SCAI: variants seen among roughly 807,000 people sequenced by gnomAD.
The protein encoded by SCAI is protein SCAI.
SCAI carries 24 observed loss-of-function variants against 92.2 expected under a neutral mutation model. The observed-to-expected ratio is 0.26, with a 90% CI of 0.19 to 0.37. The LOEUF (loss-of-function observed/expected upper bound fraction) is 0.37, where lower values mean the gene tolerates loss of function less well. Ranked by LOEUF, SCAI falls within the 10% of genes least tolerant of loss-of-function variation. SCAI has a pLI of 1.00. For missense variants in SCAI, 450 were observed against 736.2 expected (o/e 0.61, Z 4.50); for synonymous variants, 261 against 258.6 (o/e 1.01, Z -0.09).
chr9:124,960,468 C>A (rs1260770124), intron 17 of SCAI, among the ~76,000 whole-genome samples: 1 of 152,142 alleles, frequency 6.6e-6, no homozygotes, highest in Non-Finnish European at 1.5e-5. Flanking sequence ...TATGCTCAGA[C>A]AATGGAATAC....
intron 10 of SCAI, 46 bp downstream of exon 10, chr9:125,003,423 G>A (rs778769661): frequency 1.3e-5 from 17 of 1,297,350 alleles, no homozygotes; most frequent in Middle Eastern, 1.8e-4. Flanking sequence ...CAGGAGAGAC[G>A]CAGCCAGAGG....
intron 14 of SCAI, among the ~76,000 whole-genome samples, chr9:124,978,363 C>T (rs1831805151): frequency 6.6e-6 from 1 of 152,170 alleles, no homozygotes; most frequent in Non-Finnish European, 1.5e-5. Context: ...GTCACTTGAA[C>T]CCGGGAAGCG....
chr9:125,142,701 G>A (rs1835696619), intron 1 of SCAI, 24 bp from the exon 2 acceptor site: 1 of 1,600,744 alleles, frequency 6.2e-7, no homozygotes, highest in Middle Eastern at 1.7e-4. Context: ...AAATAAGACG[G>A]TAACTAAAAG....
At chr9:125,018,975 T>C (rs1022895300) in intron 8 of SCAI, 24 bp from the exon 9 acceptor site, 1 of 1,609,778 alleles carries the variant, frequency 6.2e-7, no homozygotes, top group Non-Finnish European at 8.5e-7. Context: ...CAATAAGAAC[T>C]TAACGAATGG....
At position 125,098,309 on chromosome 9, in the gene SCAI, G is replaced by A. The variant is rs551997028; in HGVS notation, c.99-42302C>T. ...TGGCCTCAAGCAATCCTCCTGCCTC[G>A]GCTTCCCAAAGTGCTGGGATTACAG... is the stretch of plus-strand genomic sequence containing the variant. On this transcript the variant is annotated intron_variant, in intron 2 of 17. Transcript: ENST00000336505. Among the ~76,000 whole-genome samples, 14 of 151,908 alleles carry A rather than the reference G, an allele frequency of 9.2e-5. No individual in the cohort carries two copies. The East Asian group carries it at 2.3e-3, about 25-fold the overall frequency.
At chr9:125,083,601 C>A (rs1157477409) in intron 2 of SCAI, among the ~76,000 whole-genome samples, 1 of 151,454 alleles carries the variant, frequency 6.6e-6, no homozygotes, top group African/African-American at 2.4e-5. Flanking sequence ...CCACATGGAA[C>A]TGTAAGTCCA....
At chr9:124,966,696 C>A (rs955179669) in intron 17 of SCAI, among the ~76,000 whole-genome samples, 2 of 151,846 alleles carry the variant, frequency 1.3e-5, no homozygotes, top group Non-Finnish European at 2.9e-5. Flanking sequence ...CACTTAAACA[C>A]TTCCATCAGA....
At chr9:125,137,492 T>C (rs1835565178) in intron 2 of SCAI, among the ~76,000 whole-genome samples, 1 of 152,214 alleles carries the variant, frequency 6.6e-6, no homozygotes, top group Admixed American at 6.5e-5. Flanking sequence ...TCTTTACCTC[T>C]GAATCAAGCC....
chr9:125,108,334 T>C, intron 2 of SCAI, among the ~76,000 whole-genome samples: 1 of 148,776 alleles, frequency 6.7e-6, no homozygotes, highest in Non-Finnish European at 1.5e-5. Flanking sequence ...AGCTGCCCAG[T>C]CTGGGAAGTG....
rs1831667724 is a variant in SCAI, at chr9:124,971,906, T to C, written c.1400-62A>G. On this transcript the variant is annotated intron_variant, in intron 15 of 17. Coordinates refer to ENST00000336505, the MANE Select transcript of SCAI (RefSeq NM_001144877.3). Reference sequence around the variant, plus strand: ...TTTTGCAAAAGATAAGAGATACATATGAGGAACATTTTAATATACTGATAA... The same window carrying C: ...TTTTGCAAAAGATAAGAGATACATACGAGGAACATTTTAATATACTGATAA... 3.2e-6 allele frequency: 3 copies of C among 937,982 alleles called. No homozygotes were observed. In the Admixed American group the frequency reaches 9.1e-5, roughly 28 times the overall value. The allele number at this position is 937,982 out of a possible 1,614,324, so 58.1% of individuals were successfully genotyped here.
At chr9:125,027,011 T>A (rs1398232157) in intron 5 of SCAI, 101 bp from the exon 6 acceptor site, 6 of 530,324 alleles carry the variant, frequency 1.1e-5, no homozygotes, top group Non-Finnish European at 1.9e-5. Context: ...TGGCACGGGG[T>A]GCGGGGGTGG....
chr9:125,107,878 C>T (rs1564416189), intron 2 of SCAI, among the ~76,000 whole-genome samples: 1 of 152,192 alleles, frequency 6.6e-6, no homozygotes, highest in African/African-American at 2.4e-5. Context: ...CCCTCTGATG[C>T]CGAGCGGAAG....
chr9:125,068,592 G>A (rs1833916453), intron 2 of SCAI, among the ~76,000 whole-genome samples: 1 of 152,124 alleles, frequency 6.6e-6, no homozygotes, highest in Admixed American at 6.5e-5. Context: ...GGAGTCCAAG[G>A]CAGACAGACT....
At chr9:125,015,643 C>T (rs1443853551) in intron 9 of SCAI, among the ~76,000 whole-genome samples, 1 of 152,090 alleles carries the variant, frequency 6.6e-6, no homozygotes, top group Non-Finnish European at 1.5e-5. Flanking sequence ...GGATCTAGAA[C>T]TAGAAATACC....
At chr9:125,122,169 T>G (rs10986572) in intron 2 of SCAI, among the ~76,000 whole-genome samples, 1 of 152,362 alleles carries the variant, frequency 6.6e-6, no homozygotes, top group East Asian at 1.9e-4. Flanking sequence ...AGGAATGTGA[T>G]TACACTAGGA....
At chr9:125,051,179 C>T (rs564899196) in intron 3 of SCAI, among the ~76,000 whole-genome samples, 92 of 152,126 alleles carry the variant, frequency 6.0e-4, no homozygotes, top group Non-Finnish European at 1.2e-3. Flanking sequence ...TGTGCCACCA[C>T]GCCTGGCTAA....
intron 3 of SCAI, among the ~76,000 whole-genome samples, chr9:125,032,188 TATA>T (rs1237603280): frequency 0.012 from 1,296 of 111,990 alleles, 33 homozygotes; most frequent in African/African-American, 0.052. Context: ...TATATATATA[TATA>T]TATATTTTTT....
chr9:124,956,580 T>G (rs1307366855), intron 17 of SCAI, among the ~76,000 whole-genome samples: 2 of 152,182 alleles, frequency 1.3e-5, no homozygotes, highest in Admixed American at 1.3e-4. Context: ...ATTAGATCAG[T>G]AGATGCAGAA....
intron 2 of SCAI, among the ~76,000 whole-genome samples, chr9:125,079,043 T>C (rs1002545862): frequency 3.3e-5 from 5 of 150,626 alleles, no homozygotes; most frequent in Non-Finnish European, 7.4e-5. Context: ...ATTTTGATAA[T>C]AGTTTCCTCT....
Sources: allele counts gnomAD v4.1 joint callset (sites outside exome capture counted in the v4.1 genomes callset), GRCh38; gene constraint gnomAD v4.1.1; transcripts MANE v1.5; gene names NCBI Gene and HGNC (gene_info 2026-07-23, HGNC 2026-07-21).